MTMR4: variants seen among roughly 807,000 people sequenced by gnomAD.
The protein encoded by MTMR4 is myotubularin related protein 4.
Under a neutral mutation model 125.5 loss-of-function variants are expected in MTMR4, and 30 were observed. That is an observed-to-expected ratio of 0.24 (90% confidence interval 0.18 to 0.32). MTMR4 has a LOEUF of 0.32. Ranked by LOEUF, MTMR4 falls within the 10% of genes least tolerant of loss-of-function variation. MTMR4 has a pLI of 1.00. For missense variants in MTMR4, 1,039 were observed against 1,511.5 expected, an observed-to-expected ratio of 0.69 and a Z score of 5.18; for synonymous variants, 498 against 564.5, an observed-to-expected ratio of 0.88 and a Z score of 1.67.
Position 58,508,427 on chromosome 17 carries a change from T to C in MTMR4, c.593+41A>G, listed in dbSNP as rs1311548975. On this transcript the variant is annotated intron_variant, in intron 6 of 17. Transcript: ENST00000682306. This position sits in a 1 kb window ranked among gnomAD's most constrained non-coding sequence, Gnocchi z 4.8. The stretch of plus-strand genomic sequence containing the variant: ...ACCACACTTTATCCAAACACGGAAG[T>C]AGTTTGGTGTGGAAGGTGTTTTGGT... The C allele has an allele frequency of 6.9e-6, 11 of 1,585,796 alleles. No homozygotes were observed. Among genetic ancestry groups the C allele is most frequent in the Non-Finnish European group, 9.5e-6 (11 of 1,154,404 alleles).
rs769380305 is a variant in MTMR4, at chr17:58,512,502, G to C, written c.140C>G (p.Pro47Arg). 3.1e-6 allele frequency: 5 copies of C among 1,613,654 alleles called. No homozygotes were observed. The East Asian group carries it at 1.1e-4, about 36-fold the overall frequency. ...TCCCTCACCCTGCAGCACTGTGAAG[G>C]GGACCTGTCAAGGGGCAGAGAAACC... ...LVKEEENLQV[P>R]FTVLQGEGVE... Residue 47 changes from proline (P) to arginine (R), a missense_variant, in exon 3 of 18, where the codon CCC becomes CGC. Around this residue, in one of 6 missense-constraint regions of MTMR4, gnomAD observed 202 missense variants for 311.9 expected, o/e 0.65. Coordinates refer to ENST00000682306, the MANE Select transcript of MTMR4 (RefSeq NM_001378067.1). The surrounding 1 kb of genome is among the most constrained non-coding windows in gnomAD (Gnocchi z 4.1).
At chr17:58,519,014 A>T (rs2042071863), upstream of MTMR4, among the ~76,000 whole-genome samples, 1 of 152,184 alleles carries the variant, frequency 6.6e-6, no homozygotes, top group Non-Finnish European at 1.5e-5. Flanking sequence ...GATGCTGTAA[A>T]TTTTTTAATT....
At chr17:58,503,634 A>G in intron 14 of MTMR4, 110 bp downstream of exon 14, 1 of 1,374,558 alleles carries the variant, frequency 7.3e-7, no homozygotes, top group Non-Finnish European at 9.8e-7. Context: ...TGGGCGACAA[A>G]GTGAGATTCC....
chr17:58,510,252 G>A (rs142294090), intron 4 of MTMR4, among the ~76,000 whole-genome samples: 5 of 152,142 alleles, frequency 3.3e-5, no homozygotes, highest in South Asian at 2.1e-4. Context: ...TCTGACACCC[G>A]GCTTTGTTCT....
chr17:58,500,277 C>T (rs1170367659), intron 14 of MTMR4, among the ~76,000 whole-genome samples: 2 of 152,190 alleles, frequency 1.3e-5, no homozygotes, highest in Admixed American at 6.5e-5. Flanking sequence ...CAGGCGCACG[C>T]CACCATGCCT....
At position 58,511,264 on chromosome 17, in the gene MTMR4, G is replaced by C; in HGVS notation, c.335+165C>G. 3 of 595,480 alleles carry C rather than the reference G, an allele frequency of 5.0e-6. No individual in the cohort carries two copies. In the South Asian group the frequency reaches 7.0e-5, roughly 14 times the overall value. 36.9% of individuals were successfully genotyped at this position (595,480 alleles called of 1,614,324 possible). A position where few individuals can be genotyped will look rare whatever the true frequency, so the allele number is the denominator to read the frequency against. The stretch of plus-strand genomic sequence containing the variant: ...CATTTTTTCAGGTCAAGATCCTATG[G>C]GTCAGTAAACTGACCTCCCAACCCA... On this transcript the variant is annotated intron_variant, in intron 4 of 17. Coordinates refer to ENST00000682306, the MANE Select transcript of MTMR4 (RefSeq NM_001378067.1).
rs1975826980 is a variant in MTMR4 at position 58,508,207 on chromosome 17, C to T, written c.661G>A (p.Val221Met). ...CGCTTCCAGGAGCGGAAGGAAGCCACGTTCTCCAGCTCTTTGTCAGTGATC... is the reference window on the plus strand; with the variant it reads ...CGCTTCCAGGAGCGGAAGGAAGCCATGTTCTCCAGCTCTTTGTCAGTGATC... ...VWITDKELEN[V>M]ASFRSWKRIP... The change falls in exon 7 of 18, where the codon GTG (valine) becomes ATG (methionine). Residue 221 changes from valine to methionine, a missense_variant. Physicochemically the swap from Val to Met is conservative, Grantham distance 21 (BLOSUM62 1). Transcript: ENST00000682306. The surrounding 1 kb of genome is among the most constrained non-coding windows in gnomAD (Gnocchi z 4.8). 1.2e-6 allele frequency: 2 copies of T among 1,613,726 alleles called. No individual in the cohort carries two copies. Among genetic ancestry groups the T allele is most frequent in the African/African-American group, 1.3e-5 (1 of 74,856 alleles).
chr17:58,492,432 G>GTGT (rs1242316637), intron 17 of MTMR4, 79 bp downstream of exon 17: 5 of 1,263,558 alleles, frequency 4.0e-6, no homozygotes, highest in Non-Finnish European at 5.7e-6. Context: ...GCCTCCCAAG[G>GTGT]TGTTGGCATT....
chr17:58,517,178 A>G (rs1358258911), upstream of MTMR4, among the ~76,000 whole-genome samples: 1 of 152,186 alleles, frequency 6.6e-6, no homozygotes, highest in African/African-American at 2.4e-5. Context: ...GGTCCTCCTG[A>G]GTGTATTTGA....
rs752078818 is a variant in MTMR4, at chr17:58,504,821, G to A, written c.1299C>T (p.Ala433=). The change falls in exon 11 of 18, where the codon GCC becomes GCT. Residue 433 remains alanine, a synonymous_variant. Coordinates refer to ENST00000682306, the MANE Select transcript of MTMR4 (RefSeq NM_001378067.1). The surrounding 1 kb of genome is among the most constrained non-coding windows in gnomAD (Gnocchi z 7.1). ...DGWDRTPQIV[A]LAKILLDPYY... Reference sequence around the variant, plus strand: ...ATGGGTCCAGTAATATTTTGGCCAGGGCTACGATCTGCGGTGTGCGGTCCC... The same window carrying A: ...ATGGGTCCAGTAATATTTTGGCCAGAGCTACGATCTGCGGTGTGCGGTCCC... 1 of 1,612,942 alleles carries A rather than the reference G, an allele frequency of 6.2e-7. No individual in the cohort carries two copies. The highest frequency in any genetic ancestry group is 8.5e-7 in the Non-Finnish European group (1 of 1,179,584).
chr17:58,504,679 A>G lies in MTMR4; in HGVS notation c.1341+100T>C. 1.4e-6 allele frequency: 2 copies of G among 1,412,666 alleles called. No individual in the cohort carries two copies. The highest frequency in any genetic ancestry group is 1.4e-5 in the African/African-American group (1 of 69,566). 87.5% of individuals were successfully genotyped at this position (1,412,666 alleles called of 1,614,324 possible). ...AAAAAAAAGAAAAAAAGAGCCACCA[A>G]TGTCCTCTACTGAAAGATCCCCAGG... On this transcript the variant is annotated intron_variant, in intron 11 of 17. Coordinates refer to ENST00000682306, the MANE Select transcript of MTMR4 (RefSeq NM_001378067.1). This position sits in a 1 kb window ranked among gnomAD's most constrained non-coding sequence, Gnocchi z 7.1.
rs557665824 is a variant in MTMR4, at chr17:58,503,893, C to T, written c.1704G>A (p.Leu568=). 83 of 1,613,522 alleles carry T rather than the reference C, an allele frequency of 5.1e-5. No homozygotes were observed. In the South Asian group the frequency reaches 7.9e-4, roughly 15 times the overall value. Residue 568 remains leucine, a synonymous_variant, in exon 14 of 18, where the codon CTG becomes CTA. Coordinates refer to ENST00000682306, the MANE Select transcript of MTMR4 (RefSeq NM_001378067.1). ...GGGCCCGGACATGACAAACAGGATG[C>T]AGGACCTAGGGAAGCAGCCCAATAC... is the stretch of plus-strand genomic sequence containing the variant. ...FLYTPSSDMV[L]HPVCHVRALH... is the part of the protein sequence containing the mutation.
At chr17:58,492,416 G>C in intron 17 of MTMR4, 95 bp downstream of exon 17, 1 of 1,046,422 alleles carries the variant, frequency 9.6e-7, no homozygotes, top group South Asian at 1.4e-5. Context: ...TGATCCGCCT[G>C]CCTCGGCCTC....
At position 58,501,685 on chromosome 17, in the gene MTMR4, C is replaced by T. The variant is rs373650480; in HGVS notation, c.1853+2059G>A. On this transcript the variant is annotated intron_variant, in intron 14 of 17. Transcript: ENST00000682306. Reference sequence around the variant, plus strand: ...ATACATATATGTGTATATATATATACGCGTATATATGTATATATATCCTTT... The same window carrying T: ...ATACATATATGTGTATATATATATATGCGTATATATGTATATATATCCTTT... Among the ~76,000 whole-genome samples, 22 of 150,614 alleles carry T rather than the reference C, an allele frequency of 1.5e-4. No individual in the cohort carries two copies. In the South Asian group the frequency reaches 2.7e-3, roughly 19 times the overall value.
chr17:58,507,954 C>G, intron 7 of MTMR4: 1 of 445,328 alleles, frequency 2.2e-6, no homozygotes, highest in Non-Finnish European at 4.1e-6. Flanking sequence ...CACACACACA[C>G]TCTAAAAAAA....
chr17:58,513,484 G>C (rs1184044604), intron 1 of MTMR4, among the ~76,000 whole-genome samples: 1 of 152,166 alleles, frequency 6.6e-6, no homozygotes, highest in Non-Finnish European at 1.5e-5. Context: ...AAAGGAAGAC[G>C]TGTTTGAGAG....
rs1403165152 is a variant in MTMR4, at chr17:58,512,349, G to T, written c.252+41C>A. On this transcript the variant is annotated intron_variant, in intron 3 of 17. Transcript: ENST00000682306. This position sits in a 1 kb window ranked among gnomAD's most constrained non-coding sequence, Gnocchi z 4.1. Reference sequence around the variant, plus strand: ...AACAATCCCACCTTGAACTTCATAGGGATTCTAGCTTAGGGGTAGGAGAAC... The same window carrying T: ...AACAATCCCACCTTGAACTTCATAGTGATTCTAGCTTAGGGGTAGGAGAAC... 1.3e-6 allele frequency: 2 copies of T among 1,499,944 alleles called. No homozygotes were observed. Among genetic ancestry groups the T allele is most frequent in the East Asian group, 4.5e-5 (2 of 44,304 alleles). 92.9% of individuals were successfully genotyped at this position (1,499,944 alleles called of 1,614,324 possible).
In MTMR4 at chr17:58,508,755, A is replaced by T; in HGVS notation, c.422T>A (p.Leu141His). ...CCAGGCATGGTAGGCAAAGGCAAAG[A>T]GGTCTTCAGGCTTGGCAGGTCTTGC... Reference protein sequence around the residue: ...ATARPAKPEDLFAFAYHAWCL... With the variant: ...ATARPAKPEDHFAFAYHAWCL... The change falls in exon 5 of 18, where the codon CTC becomes CAC. Residue 141 changes from leucine (L) to histidine (H), a missense_variant. Physicochemically the swap from Leu to His is moderately conservative, Grantham distance 99. Around this residue, in one of 6 missense-constraint regions of MTMR4, gnomAD observed 202 missense variants for 311.9 expected, o/e 0.65. Transcript: ENST00000682306. The surrounding 1 kb of genome is among the most constrained non-coding windows in gnomAD (Gnocchi z 4.8). The T allele has an allele frequency of 6.2e-7, 1 of 1,614,208 alleles. No homozygotes were observed. Among genetic ancestry groups the T allele is most frequent in the Non-Finnish European group, 8.5e-7 (1 of 1,180,032 alleles).
Sources: allele counts gnomAD v4.1 joint callset (sites outside exome capture counted in the v4.1 genomes callset), GRCh38; gene constraint gnomAD v4.1.1; regional missense constraint gnomAD v4.1.1; non-coding constraint Gnocchi (gnomAD v3.1); transcripts MANE v1.5; gene names NCBI Gene and HGNC (gene_info 2026-07-23, HGNC 2026-07-21).